The following RIN3 variants were observed in gnomAD, a reference collection of about 807,000 sequenced individuals.
The protein encoded by RIN3 is Ras and Rab interactor 3.
In RIN3, 54 loss-of-function variants were observed where a neutral mutation model predicts 76.3. That is an observed-to-expected ratio of 0.71 (90% confidence interval 0.57 to 0.89). The LOEUF is 0.89. Among genes scored for constraint, RIN3 ranks in the 40% least tolerant of loss-of-function variants. RIN3 has a pLI of 0.00. For missense variants in RIN3, 1,256 were observed against 1,322.1 expected, an observed-to-expected ratio of 0.95 and a Z score of 0.78; for synonymous variants, 576 against 564.0, an observed-to-expected ratio of 1.02 and a Z score of -0.30.
chr14:92,557,837 G>A (rs1897639703), intron 2 of RIN3, among the ~76,000 whole-genome samples: 1 of 152,230 alleles, frequency 6.6e-6, no homozygotes, highest in Non-Finnish European at 1.5e-5. Flanking sequence ...TTGCTGGGAG[G>A]ATGCAGCTCG....
In RIN3 at chr14:92,688,364, A is replaced by G. The variant is rs1888961840; in HGVS notation, c.*112A>G. 2 of 1,082,082 alleles carry G rather than the reference A, an allele frequency of 1.8e-6. No individual in the cohort carries two copies. The highest frequency in any genetic ancestry group is 2.6e-6 in the Non-Finnish European group (2 of 779,366). 67.0% of individuals were successfully genotyped at this position (1,082,082 alleles called of 1,614,324 possible). A position where few individuals can be genotyped will look rare whatever the true frequency, so the allele number is the denominator to read the frequency against. On this transcript the variant is annotated 3_prime_UTR_variant, in exon 10 of 10. Coordinates refer to ENST00000216487, the MANE Select transcript of RIN3 (RefSeq NM_024832.5). ...GCAGAGGGACATGGGCCATTCCATGACGTGCCCAGGCCAACGTCGCAGGAC... is the reference window on the plus strand; with the variant it reads ...GCAGAGGGACATGGGCCATTCCATGGCGTGCCCAGGCCAACGTCGCAGGAC...
chr14:92,647,940 C>T (rs1887260901), intron 5 of RIN3, among the ~76,000 whole-genome samples: 1 of 152,176 alleles, frequency 6.6e-6, no homozygotes, highest in South Asian at 2.1e-4. Flanking sequence ...TTTAGGGGAA[C>T]TCTCGCAGCA....
intron 1 of RIN3, among the ~76,000 whole-genome samples, chr14:92,551,580 A>G (rs1333091253): frequency 6.6e-6 from 1 of 152,202 alleles, no homozygotes; most frequent in Non-Finnish European, 1.5e-5. Context: ...GTACACTAGC[A>G]TTCTGATTAC....
chr14:92,673,072 G>C (rs1415548391), intron 7 of RIN3, among the ~76,000 whole-genome samples: 1 of 151,808 alleles, frequency 6.6e-6, no homozygotes, highest in African/African-American at 2.4e-5. Context: ...ATTGAGCCTA[G>C]GACTTCGAGA....
At chr14:92,577,193 G>A (rs994294362) in intron 2 of RIN3, 167 bp from the exon 3 acceptor site, 20 of 557,644 alleles carry the variant, frequency 3.6e-5, no homozygotes, top group Admixed American at 1.1e-4. Context: ...GCCAGGTGGC[G>A]CAAGGCTCTT....
At chr14:92,583,121 C>T (rs1325283264) in intron 3 of RIN3, among the ~76,000 whole-genome samples, 2 of 152,148 alleles carry the variant, frequency 1.3e-5, no homozygotes, top group African/African-American at 4.8e-5. Flanking sequence ...GGACTTTAGA[C>T]ACTGTGGCCA....
chr14:92,616,635 C>T (rs1188635287), intron 4 of RIN3, among the ~76,000 whole-genome samples: 1 of 151,978 alleles, frequency 6.6e-6, no homozygotes, highest in Non-Finnish European at 1.5e-5. Context: ...TAGTCCCTAC[C>T]TATTGGGGAT....
intron 5 of RIN3, among the ~76,000 whole-genome samples, chr14:92,645,629 A>G (rs1887170593): frequency 6.6e-6 from 1 of 152,248 alleles, no homozygotes; most frequent in South Asian, 2.1e-4. Flanking sequence ...AGTGACTGCT[A>G]AATAGGCACG....
chr14:92,652,264 G>A lies in RIN3; in HGVS notation c.1215G>A (p.Ala405=), dbSNP rs747106209. The change falls in exon 6 of 10, where the codon GCG becomes GCA. Residue 405 remains alanine (A), a synonymous_variant. Transcript: ENST00000216487. The surrounding 1 kb of genome is among the most constrained non-coding windows in gnomAD (Gnocchi z 6.4). ...TAGAAGACCAAAGTCCGGGGATGGC[G>A]GCAGAGGGGGACCAGCTCAGCCTGC... ...VSLEDQSPGM[A]AEGDQLSLPP... is the part of the protein sequence containing the mutation. 29 of 1,611,180 alleles carry A rather than the reference G, an allele frequency of 1.8e-5. No individual in the cohort carries two copies. The highest frequency in any genetic ancestry group is 6.7e-5 in the East Asian group (3 of 44,804).
intron 3 of RIN3, among the ~76,000 whole-genome samples, chr14:92,611,232 A>G (rs576992517): frequency 4.3e-4 from 66 of 151,960 alleles, no homozygotes; most frequent in African/African-American, 1.5e-3. Context: ...TGCAATCTCC[A>G]TCTCCAGCTT....
intron 4 of RIN3, among the ~76,000 whole-genome samples, chr14:92,628,050 A>C (rs558681962): frequency 1.3e-5 from 2 of 152,264 alleles, no homozygotes; most frequent in East Asian, 3.9e-4. Flanking sequence ...CCGATTGGCT[A>C]CTGTTGACAT....
chr14:92,647,264 A>G (rs114718068), intron 5 of RIN3, among the ~76,000 whole-genome samples: 99 of 152,296 alleles, frequency 6.5e-4, no homozygotes, highest in African/African-American at 2.2e-3. Context: ...GGACTTGGAA[A>G]AGCCAGCGTT....
intron 3 of RIN3, among the ~76,000 whole-genome samples, chr14:92,605,193 G>A (rs1031248980): frequency 1.3e-5 from 2 of 151,936 alleles, no homozygotes; most frequent in African/African-American, 4.8e-5. Context: ...TTACAGGCGC[G>A]AGCCACCACT....
rs576683908 is a variant in RIN3 at position 92,537,634 on chromosome 14, C to CTTTTTTTTTTTTTT, written c.45-18103_45-18090dup. The stretch of plus-strand genomic sequence containing the variant: ...CAGCTATAAGTGAGTGCCTTAGGGA[C>CTTTTTTTTTTTTTT]TTTTTTTTTTTTTTTTTTTTTTTTT... On this transcript the variant is annotated intron_variant, in intron 1 of 9. Coordinates refer to ENST00000216487, the MANE Select transcript of RIN3 (RefSeq NM_024832.5). Among the ~76,000 whole-genome samples the CTTTTTTTTTTTTTT allele has an allele frequency of 6.4e-4, 33 of 51,636 alleles. 3 individuals carry two copies. Among genetic ancestry groups the CTTTTTTTTTTTTTT allele is most frequent in the African/African-American group, 1.5e-3 (19 of 12,822 alleles). 33.9% of individuals were successfully genotyped at this position (51,636 alleles called of 152,430 possible).
At chr14:92,651,487 T>C in intron 5 of RIN3, 95 bp from the exon 6 acceptor site, 1 of 534,670 alleles carries the variant, frequency 1.9e-6, no homozygotes, top group Non-Finnish European at 3.3e-6. Flanking sequence ...TGAACAGCCC[T>C]CCCACCCGTG....
chr14:92,564,910 G>A (rs1897876618), intron 2 of RIN3, among the ~76,000 whole-genome samples: 1 of 152,202 alleles, frequency 6.6e-6, no homozygotes, highest in Non-Finnish European at 1.5e-5. Flanking sequence ...AGGACACTGG[G>A]CCTAGGAAGC....
chr14:92,658,373 C>CA (rs1887750684), intron 6 of RIN3, among the ~76,000 whole-genome samples: 2 of 152,252 alleles, frequency 1.3e-5, no homozygotes, highest in African/African-American at 2.4e-5. Flanking sequence ...TGGCAGTTGG[C>CA]AGAGCAGCCT....
rs549940551 is a variant in RIN3, at chr14:92,631,726, G to A, written c.441-9512G>A. 9.5e-4 allele frequency among the ~76,000 whole-genome samples: 145 copies of A among 152,134 alleles called. 5 individuals are homozygous for A. The South Asian group carries it at 0.029, about 30-fold the overall frequency. On this transcript the variant is annotated intron_variant, in intron 4 of 9. Coordinates refer to ENST00000216487, the MANE Select transcript of RIN3 (RefSeq NM_024832.5). ...AGCGATTCTCCCGCCTCAGCCTCCC[G>A]AGTAGCTGAGACTACAGGCACACAC...
intron 3 of RIN3, among the ~76,000 whole-genome samples, chr14:92,599,531 C>T (rs1885269575): frequency 6.6e-6 from 1 of 152,148 alleles, no homozygotes. Flanking sequence ...TAGAGGGTAA[C>T]AGCAAGGGAC....
Sources: gnomAD v4.1 joint callset for allele counts (sites outside exome capture counted in the v4.1 genomes callset) on GRCh38, gnomAD v4.1.1 for gene constraint, Gnocchi (gnomAD v3.1) non-coding constraint, MANE v1.5 for transcripts, NCBI Gene and HGNC (gene_info 2026-07-23, HGNC 2026-07-21) for gene names.